BTNL2: variants seen among roughly 807,000 people sequenced by gnomAD.
BTNL2 encodes butyrophilin-like protein 2.
BTNL2 carries 46 observed loss-of-function variants against 46.8 expected under a neutral mutation model. That is an observed-to-expected ratio of 0.98 (90% CI 0.78 to 1.26). The LOEUF is 1.26. Among genes scored for constraint, BTNL2 ranks in the 50% most tolerant of loss-of-function variants. The probability of loss-of-function intolerance (pLI) is 0.00; values close to 1 mark genes in which losing one functional copy is unlikely to be tolerated. For missense variants in BTNL2, 461 were observed against 592.6 expected, an observed-to-expected ratio of 0.78 and a Z score of 2.31; for synonymous variants, 226 against 229.1, an observed-to-expected ratio of 0.99 and a Z score of 0.12.
intron 1 of BTNL2, chr6:32,406,202 T>C (rs1324714147): frequency 1.3e-5 from 2 of 152,350 alleles, no homozygotes; most frequent in Non-Finnish European, 2.9e-5. Context: ...CTAAAGAGCC[T>C]AAGTGGAGAT....
In BTNL2 at chr6:32,405,015, G is replaced by A. The variant is rs77387195; in HGVS notation, c.351C>T (p.Ser117=). 3.8e-4 allele frequency: 619 copies of A among 1,613,018 alleles called. 5 individuals are homozygous for A. The East Asian group carries it at 0.012, about 31-fold the overall frequency. Residue 117 remains serine, a synonymous_variant, in exon 2 of 8, where the codon TCC becomes TCT. Coordinates refer to ENST00000454136, the MANE Select transcript of BTNL2 (RefSeq NM_001304561.2). ...AATGGCACCAGTATTGTCCATTGTCGGAGGGCTGGATGTTGTGTATCTTCA... is the reference window on the plus strand; with the variant it reads ...AATGGCACCAGTATTGTCCATTGTCAGAGGGCTGGATGTTGTGTATCTTCA... ...VALKIHNIQP[S]DNGQYWCHFQ... is the part of the protein sequence containing the mutation.
chr6:32,396,325 C>T lies in BTNL2; in HGVS notation c.792G>A (p.Gln264=). 1.2e-6 allele frequency: 2 copies of T among 1,612,822 alleles called. No homozygotes were observed. Among genetic ancestry groups the T allele is most frequent in the Non-Finnish European group, 1.7e-6 (2 of 1,179,806 alleles). The change falls in exon 5 of 8, where the codon CAG becomes CAA. Residue 264 remains glutamine (Q), a synonymous_variant. Transcript: ENST00000454136. This position sits in a 1 kb window ranked among gnomAD's most constrained non-coding sequence, Gnocchi z 4.4. ...CCTTGGGGGACAGGTAACAGGTTAG[C>T]TGTATATCTTCTCCCACTCTGACGA... ...PILVRVGEDI[Q]LTCYLSPKAN...
At chr6:32,397,382 TTC>T (rs1776515679) in intron 4 of BTNL2, among the ~76,000 whole-genome samples, 1 of 152,206 alleles carries the variant, frequency 6.6e-6, no homozygotes, top group Non-Finnish European at 1.5e-5. Flanking sequence ...TGTACCTCAC[TTC>T]TGTTTTCTGT....
rs1446424682 is a variant in BTNL2 at position 32,394,090 on chromosome 6, G to A, written c.1361-33C>T. 1 of 1,547,448 alleles carries A rather than the reference G, an allele frequency of 6.5e-7. No individual in the cohort carries two copies. The highest frequency in any genetic ancestry group is 8.7e-7 in the Non-Finnish European group (1 of 1,144,896). On this transcript the variant is annotated intron_variant, in intron 6 of 7. Transcript: ENST00000454136. This position sits in a 1 kb window ranked among gnomAD's most constrained non-coding sequence, Gnocchi z 4.6. ...GGAAACCCAAGAATCCCTTGAAACT[G>A]TGAAACTGGGACAATATTAAGATTG...
chr6:32,399,655 G>A lies in BTNL2; in HGVS notation c.730+2130C>T, dbSNP rs1169447332. 6.6e-6 allele frequency among the ~76,000 whole-genome samples: 1 copy of A among 152,146 alleles called. No homozygotes were observed. Among genetic ancestry groups the A allele is most frequent in the Non-Finnish European group, 1.5e-5 (1 of 68,020 alleles). On this transcript the variant is annotated intron_variant, in intron 4 of 7. Transcript: ENST00000454136. The surrounding 1 kb of genome is among the most constrained non-coding windows in gnomAD (Gnocchi z 5.2). ...TTTGGCAAACCATGTATGTCTCTAA[G>A]ATTGTTTCTTAGCTGTAATATGAGG...
chr6:32,399,448 G>A lies in BTNL2; in HGVS notation c.730+2337C>T, dbSNP rs997789908. On this transcript the variant is annotated intron_variant, in intron 4 of 7. Coordinates refer to ENST00000454136, the MANE Select transcript of BTNL2 (RefSeq NM_001304561.2). The surrounding 1 kb of genome is among the most constrained non-coding windows in gnomAD (Gnocchi z 5.2). The stretch of plus-strand genomic sequence containing the variant: ...CTATCTCATTTCTCAAATATGCTAA[G>A]TTATATCTAATCTCTTAGAACTGGA... 3.3e-5 allele frequency among the ~76,000 whole-genome samples: 5 copies of A among 152,146 alleles called. No homozygotes were observed. Among genetic ancestry groups the A allele is most frequent in the African/African-American group, 1.2e-4 (5 of 41,428 alleles).
intron 1 of BTNL2, 25 bp from the exon 2 acceptor site, chr6:32,405,311 A>G (rs1777064695): frequency 6.2e-7 from 1 of 1,607,298 alleles, no homozygotes; most frequent in Admixed American, 1.7e-5. Context: ...AAAAAGAGGA[A>G]CGAGGAAATG....
Position 32,396,457 on chromosome 6 carries a change from G to T in BTNL2, c.731-71C>A. The T allele has an allele frequency of 1.4e-6, 2 of 1,410,774 alleles. No individual in the cohort carries two copies. The highest frequency in any genetic ancestry group is 1.9e-6 in the Non-Finnish European group (2 of 1,026,150). 87.4% of individuals were successfully genotyped at this position (1,410,774 alleles called of 1,614,324 possible). A position where few individuals can be genotyped will look rare whatever the true frequency, so the allele number is the denominator to read the frequency against. ...ACCAATAATGTCATCTCTAAGAACAGCTCCATTGGAGTTTAGAAACCATGA... is the reference window on the plus strand; with the variant it reads ...ACCAATAATGTCATCTCTAAGAACATCTCCATTGGAGTTTAGAAACCATGA... On this transcript the variant is annotated intron_variant, in intron 4 of 7. Transcript: ENST00000454136. The surrounding 1 kb of genome is among the most constrained non-coding windows in gnomAD (Gnocchi z 4.4).
intron 4 of BTNL2, among the ~76,000 whole-genome samples, chr6:32,397,538 A>G (rs550551168): frequency 0.012 from 1,851 of 152,356 alleles, 66 homozygotes; most frequent in East Asian, 0.11. Context: ...GTCTGTCTAA[A>G]GTTTTTCTTC....
chr6:32,405,045 C>T lies in BTNL2; in HGVS notation c.321G>A (p.Val107=), dbSNP rs754877321. ...WIENGIAKGN[V]ALKIHNIQPS... ...GCTGGATGTTGTGTATCTTCAGTGC[C>T]ACATTTCCCTTTGCAATGCCATTCT... is the stretch of plus-strand genomic sequence containing the variant. Residue 107 remains valine (V), a synonymous_variant, in exon 2 of 8, where the codon GTG becomes GTA. Coordinates refer to ENST00000454136, the MANE Select transcript of BTNL2 (RefSeq NM_001304561.2). 8.7e-6 allele frequency: 14 copies of T among 1,613,066 alleles called. No individual in the cohort carries two copies. The highest frequency in any genetic ancestry group is 1.2e-5 in the Non-Finnish European group (14 of 1,180,034).
Position 32,401,817 on chromosome 6 carries a change from A to G in BTNL2, c.710-12T>C, listed in dbSNP as rs191295850. Reference sequence around the variant, plus strand: ...AGTCTGGAGTTTCTCTGGAAAAAGAACAAGAATAACATATTAAGGAATTTG... The same window carrying G: ...AGTCTGGAGTTTCTCTGGAAAAAGAGCAAGAATAACATATTAAGGAATTTG... On this transcript the variant is annotated splice_polypyrimidine_tract_variant and intron_variant, in intron 3 of 7. Coordinates refer to ENST00000454136, the MANE Select transcript of BTNL2 (RefSeq NM_001304561.2). The G allele has an allele frequency of 0.013, 21,618 of 1,603,792 alleles. 987 individuals are homozygous for G. In the East Asian group the frequency reaches 0.15, roughly 11 times the overall value.
chr6:32,393,551 A>C lies in BTNL2; in HGVS notation c.*7-162T>G, dbSNP rs1238525779. ...CCCTAACACATGAGAAGTCACCAGCAACACAGAAATCACCAACAAGTAGGT... is the reference window on the plus strand; with the variant it reads ...CCCTAACACATGAGAAGTCACCAGCCACACAGAAATCACCAACAAGTAGGT... On this transcript the variant is annotated intron_variant, in intron 7 of 7. Coordinates refer to ENST00000454136, the MANE Select transcript of BTNL2 (RefSeq NM_001304561.2). This position sits in a 1 kb window ranked among gnomAD's most constrained non-coding sequence, Gnocchi z 4.8. The C allele has an allele frequency of 6.4e-6, 1 of 155,120 alleles. No individual in the cohort carries two copies. Among genetic ancestry groups the C allele is most frequent in the East Asian group, 1.9e-4 (1 of 5,202 alleles). 9.6% of individuals were successfully genotyped at this position (155,120 alleles called of 1,614,324 possible).
rs1776476754 is a variant in BTNL2, at chr6:32,396,698, A to G, written c.731-312T>C. On this transcript the variant is annotated intron_variant, in intron 4 of 7. Coordinates refer to ENST00000454136, the MANE Select transcript of BTNL2 (RefSeq NM_001304561.2). The surrounding 1 kb of genome is among the most constrained non-coding windows in gnomAD (Gnocchi z 4.4). ...AATTTTGCAATTAAAACTCCCAGATAGGCTGGGTGTGGTGGCTCAAGTCTA... is the reference window on the plus strand; with the variant it reads ...AATTTTGCAATTAAAACTCCCAGATGGGCTGGGTGTGGTGGCTCAAGTCTA... Among the ~76,000 whole-genome samples the G allele has an allele frequency of 6.6e-6, 1 of 152,082 alleles. No homozygotes were observed. The highest frequency in any genetic ancestry group is 2.4e-5 in the African/African-American group (1 of 41,420).
chr6:32,397,805 G>A (rs1364053296), intron 4 of BTNL2, among the ~76,000 whole-genome samples: 2 of 152,162 alleles, frequency 1.3e-5, no homozygotes, highest in African/African-American at 4.8e-5. Context: ...TTAAAAACAT[G>A]TCTCATGTGG....
intron 2 of BTNL2, among the ~76,000 whole-genome samples, chr6:32,404,068 A>G (rs1776961005): frequency 6.6e-6 from 1 of 152,130 alleles, no homozygotes; most frequent in African/African-American, 2.4e-5. Context: ...TCCTCCATCC[A>G]TTTTGAATCA....
chr6:32,404,177 G>A (rs73400859), intron 2 of BTNL2, among the ~76,000 whole-genome samples: 15,886 of 152,176 alleles, frequency 0.1, 969 homozygotes, highest in East Asian at 0.2. Flanking sequence ...AGCTGGAGAC[G>A]TTAACATCTC....
At position 32,403,285 on chromosome 6, in the gene BTNL2, C is replaced by T. The variant is rs184998167; in HGVS notation, c.428-69G>A. On this transcript the variant is annotated intron_variant, in intron 2 of 7. Coordinates refer to ENST00000454136, the MANE Select transcript of BTNL2 (RefSeq NM_001304561.2). ...GCAGAAATCACAGAGGCTGAGATCC[C>T]AGTGACGTTGCTCACAGGGAGGTGG... The T allele has an allele frequency of 1.9e-4, 282 of 1,499,164 alleles. 3 individuals are homozygous for T. The South Asian group carries it at 2.9e-3, about 15-fold the overall frequency. The allele number at this position is 1,499,164 out of a possible 1,614,324, so 92.9% of individuals were successfully genotyped here. A position where few individuals can be genotyped will look rare whatever the true frequency, so the allele number is the denominator to read the frequency against.
intron 1 of BTNL2, chr6:32,406,803 A>G (rs1443180376): frequency 8.4e-6 from 3 of 358,208 alleles, no homozygotes; most frequent in Non-Finnish European, 1.6e-5. Context: ...TACTGCTGTT[A>G]TTCTCATTAA....
chr6:32,403,667 A>T (rs79445387), intron 2 of BTNL2: 16,327 of 162,536 alleles, frequency 0.1, 981 homozygotes, highest in East Asian at 0.18. Context: ...ATCACTCCCC[A>T]GGGGCCTGTT....
Sources: gnomAD v4.1 joint callset for allele counts (sites outside exome capture counted in the v4.1 genomes callset) on GRCh38, gnomAD v4.1.1 for gene constraint, Gnocchi (gnomAD v3.1) non-coding constraint, MANE v1.5 for transcripts, NCBI Gene and HGNC (gene_info 2026-07-23, HGNC 2026-07-21) for gene names.